GRID2: variants seen among roughly 807,000 people sequenced by gnomAD.
GRID2 encodes the protein glutamate receptor ionotropic, delta-2.
GRID2 carries 33 observed loss-of-function variants against 114.8 expected under a neutral mutation model. That is an observed-to-expected ratio of 0.29 (90% CI 0.22 to 0.38). The LOEUF is 0.38. Ranked by LOEUF, GRID2 falls within the 10% of genes least tolerant of loss-of-function variation. The probability of loss-of-function intolerance (pLI) is 1.00; values close to 1 mark genes in which losing one functional copy is unlikely to be tolerated. For synonymous variants in GRID2, 505 were observed against 449.9 expected (o/e 1.12, Z -1.55); for missense variants, 1,184 against 1,257.7 (o/e 0.94, Z 0.89).
At chr4:93,365,611 G>A (rs1290059733) in intron 8 of GRID2, among the ~76,000 whole-genome samples, 3 of 152,086 alleles carry the variant, frequency 2.0e-5, no homozygotes, top group African/African-American at 7.2e-5. Flanking sequence ...AGTAGTCTCT[G>A]GATATTTGTG....
intron 2 of GRID2, among the ~76,000 whole-genome samples, chr4:93,027,714 C>T (rs111869588): frequency 8.6e-5 from 13 of 151,992 alleles, no homozygotes; most frequent in Non-Finnish European, 1.3e-4. Context: ...ATTTAGATAA[C>T]GATATATTTA....
intron 14 of GRID2, among the ~76,000 whole-genome samples, chr4:93,699,241 G>A (rs1727300146): frequency 6.6e-6 from 1 of 152,068 alleles, no homozygotes; most frequent in African/African-American, 2.4e-5. Context: ...TTTGGAATGA[G>A]TTCAGTAAGT....
chr4:93,131,582 T>C (rs1299053908), intron 4 of GRID2, among the ~76,000 whole-genome samples: 1 of 124,366 alleles, frequency 8.0e-6, no homozygotes. Flanking sequence ...TTGAAATTTT[T>C]AAAAATTAAA....
intron 2 of GRID2, among the ~76,000 whole-genome samples, chr4:93,009,987 G>T (rs1465049361): frequency 6.6e-6 from 1 of 151,914 alleles, no homozygotes; most frequent in East Asian, 1.9e-4. Flanking sequence ...TGTTAATTAT[G>T]ATAATACTGC....
intron 2 of GRID2, among the ~76,000 whole-genome samples, chr4:92,820,705 T>A (rs1359202516): frequency 6.6e-6 from 1 of 152,140 alleles, no homozygotes; most frequent in African/African-American, 2.4e-5. Flanking sequence ...CTATTTAGAA[T>A]GCATTTTTTG....
At chr4:92,375,098 G>A (rs897604309) in intron 1 of GRID2, among the ~76,000 whole-genome samples, 4 of 152,164 alleles carry the variant, frequency 2.6e-5, no homozygotes, top group Non-Finnish European at 5.9e-5. Flanking sequence ...TCAGGAAAAT[G>A]AACCTAAAGC....
At chr4:92,948,114 A>C (rs930447492) in intron 2 of GRID2, among the ~76,000 whole-genome samples, 4 of 151,886 alleles carry the variant, frequency 2.6e-5, no homozygotes, top group Admixed American at 6.6e-5. Flanking sequence ...TTTTTTTATA[A>C]AGCCATTATA....
At chr4:92,495,567 A>T (rs1390963640) in intron 1 of GRID2, among the ~76,000 whole-genome samples, 4 of 151,914 alleles carry the variant, frequency 2.6e-5, no homozygotes. Context: ...AATTAAGGGA[A>T]CTAACAGAAA....
chr4:93,303,071 G>A (rs146422808), intron 8 of GRID2, among the ~76,000 whole-genome samples: 2 of 152,128 alleles, frequency 1.3e-5, no homozygotes, highest in Non-Finnish European at 2.9e-5. Flanking sequence ...CATGTCTTAC[G>A]TGACCAGAGA....
chr4:92,898,682 G>A (rs1410213459), intron 2 of GRID2, among the ~76,000 whole-genome samples: 3 of 152,074 alleles, frequency 2.0e-5, no homozygotes, highest in Non-Finnish European at 4.4e-5. Context: ...CAGCAAAATT[G>A]CCAATCCTCT....
chr4:93,237,809 CAG>C, intron 7 of GRID2, among the ~76,000 whole-genome samples: 1 of 151,906 alleles, frequency 6.6e-6, no homozygotes, highest in South Asian at 2.1e-4. Context: ...AGAGCAAAAA[CAG>C]ATTTCAAGCC....
intron 2 of GRID2, among the ~76,000 whole-genome samples, chr4:93,040,755 A>T (rs1325709167): frequency 1.3e-5 from 2 of 152,146 alleles, no homozygotes; most frequent in African/African-American, 2.4e-5. Context: ...TTGTTAGGTA[A>T]GAAATTAATA....
intron 5 of GRID2, 31 bp from the exon 6 acceptor site, chr4:93,216,707 A>T (rs1744252149): frequency 6.9e-7 from 1 of 1,447,544 alleles, no homozygotes; most frequent in South Asian, 1.2e-5. Flanking sequence ...GTATTAAAGT[A>T]TCTCTAATTC....
At position 93,224,694 on chromosome 4, in the gene GRID2, C is replaced by T. The variant is rs757742604; in HGVS notation, c.1044C>T (p.His348=). The T allele has an allele frequency of 1.3e-5, 21 of 1,611,178 alleles. No homozygotes were observed. In the East Asian group the frequency reaches 4.2e-4, roughly 33 times the overall value. The part of the protein sequence containing the change: ...FHKKLEDRKW[H]SMASLSCIRK... ...AGAAGCTGGAGGACCGAAAGTGGCA[C>T]AGCATGGCAAGTCTGTCATGTATCA... Residue 348 remains histidine, a synonymous_variant, in exon 7 of 16, where the codon CAC becomes CAT. Coordinates refer to ENST00000282020, the MANE Select transcript of GRID2 (RefSeq NM_001510.4).
At chr4:93,238,949 A>G (rs938800332) in intron 8 of GRID2, among the ~76,000 whole-genome samples, 14 of 151,200 alleles carry the variant, frequency 9.3e-5, no homozygotes, top group African/African-American at 3.1e-4. Context: ...ATATGTAGAA[A>G]ATAGTTTGCA....
chr4:92,571,040 G>A (rs1259479942), intron 1 of GRID2, among the ~76,000 whole-genome samples: 1 of 151,964 alleles, frequency 6.6e-6, no homozygotes. Flanking sequence ...TACAAGGGGA[G>A]TGCTTCCAGT....
intron 4 of GRID2, among the ~76,000 whole-genome samples, chr4:93,188,882 C>G (rs528847768): frequency 6.6e-6 from 1 of 152,276 alleles, no homozygotes; most frequent in South Asian, 2.1e-4. Context: ...CCTCAAGTTT[C>G]CAATGACATG....
chr4:93,255,489 C>G (rs577080119), intron 8 of GRID2, among the ~76,000 whole-genome samples: 33 of 152,168 alleles, frequency 2.2e-4, no homozygotes, highest in African/African-American at 7.9e-4. Context: ...TTTGTCCCCA[C>G]AAAAACTCAT....
At chr4:92,777,922 T>C (rs1435081094) in intron 2 of GRID2, among the ~76,000 whole-genome samples, 2 of 152,118 alleles carry the variant, frequency 1.3e-5, no homozygotes, top group South Asian at 2.1e-4. Flanking sequence ...TATTTTGTTA[T>C]GGCAGCCCTA....
Sources: gnomAD v4.1 joint callset for allele counts (sites outside exome capture counted in the v4.1 genomes callset) on GRCh38, gnomAD v4.1.1 for gene constraint, MANE v1.5 for transcripts, NCBI Gene and HGNC (gene_info 2026-07-23, HGNC 2026-07-21) for gene names.